The following COL20A1 variants were observed in gnomAD, a reference collection of about 807,000 sequenced individuals.
COL20A1 encodes collagen type XX alpha 1 chain.
COL20A1 carries 164 observed loss-of-function variants against 152.9 expected under a neutral mutation model. That is an observed-to-expected ratio of 1.07 (90% CI 0.94 to 1.22). COL20A1 has a LOEUF of 1.22. Among genes scored for constraint, COL20A1 ranks in the 50% most tolerant of loss-of-function variants. The probability of loss-of-function intolerance (pLI) is 0.00; values close to 1 mark genes in which losing one functional copy is unlikely to be tolerated. For synonymous variants in COL20A1, 864 were observed against 756.0 expected (o/e 1.14, Z -2.34); for missense variants, 1,873 against 1,744.8 (o/e 1.07, Z -1.31).
chr20:63,313,625 ATGATGTGGT>A lies in COL20A1; in HGVS notation c.2210-117_2210-109del. ...ATGCGGGCTGTGGTAGGGGTGTGGC[ATGATGTGGT>A]GGAGGCATTACGCAGAGCAGGGTAG... On this transcript the variant is annotated intron_variant, in intron 17 of 35. Transcript: ENST00000358894. This position sits in a 1 kb window ranked among gnomAD's most constrained non-coding sequence, Gnocchi z 5.9. 1 of 980,942 alleles carries A rather than the reference ATGATGTGGT, an allele frequency of 1.0e-6. No individual in the cohort carries two copies. Among genetic ancestry groups the A allele is most frequent in the Non-Finnish European group, 1.5e-6 (1 of 683,298 alleles). 60.8% of individuals were successfully genotyped at this position (980,942 alleles called of 1,614,324 possible).
intron 21 of COL20A1, among the ~76,000 whole-genome samples, chr20:63,317,043 G>A (rs895779080): frequency 2.0e-5 from 3 of 152,236 alleles, no homozygotes; most frequent in African/African-American, 7.2e-5. Flanking sequence ...TTTAGAGGAA[G>A]CGATCACTCA....
At chr20:63,327,686 C>G (rs2068272035) in intron 31 of COL20A1, 1 of 546,972 alleles carries the variant, frequency 1.8e-6, no homozygotes, top group Admixed American at 3.1e-5. Flanking sequence ...AGCACAAAAT[C>G]TACAGCCAGA....
In COL20A1 at chr20:63,297,951, C is replaced by T; in HGVS notation, c.124C>T (p.Leu42=). ...GCTGGCTGTGCTGCCTGAGGACCGG[C>T]TGCAGATGAAGTGGAGAGAGTCGGA... ...LRLAVLPEDR[L]QMKWRESEGS... is the part of the protein sequence containing the mutation. Residue 42 remains leucine (L), a synonymous_variant, in exon 3 of 36, where the codon CTG becomes TTG. Coordinates refer to ENST00000358894, the MANE Select transcript of COL20A1 (RefSeq NM_020882.4). 6.2e-7 allele frequency: 1 copy of T among 1,613,304 alleles called. No homozygotes were observed. Among genetic ancestry groups the T allele is most frequent in the South Asian group, 1.1e-5 (1 of 91,088 alleles).
chr20:63,310,923 A>G (rs758997947), intron 11 of COL20A1, among the ~76,000 whole-genome samples: 3 of 151,530 alleles, frequency 2.0e-5, no homozygotes, highest in Non-Finnish European at 2.9e-5. Context: ...AAAGTGTACA[A>G]CTCCAGTGGC....
At position 63,320,276 on chromosome 20, in the gene COL20A1, T is replaced by C. The variant is rs754781067; in HGVS notation, c.3076-15T>C. The stretch of plus-strand genomic sequence containing the variant: ...CTCTGAGCCCCGGGGCTGAGCCGGC[T>C]CCCCTGCGTTGCAGTTTCAGCTCCA... On this transcript the variant is annotated splice_polypyrimidine_tract_variant and intron_variant, in intron 24 of 35. Coordinates refer to ENST00000358894, the MANE Select transcript of COL20A1 (RefSeq NM_020882.4). 4 of 1,608,390 alleles carry C rather than the reference T, an allele frequency of 2.5e-6. No homozygotes were observed. The highest frequency in any genetic ancestry group is 3.3e-5 in the Admixed American group (2 of 59,990).
At chr20:63,310,357 C>T in intron 10 of COL20A1, 24 bp from the exon 11 acceptor site, 1 of 1,609,676 alleles carries the variant, frequency 6.2e-7, no homozygotes, top group African/African-American at 1.3e-5. Flanking sequence ...CTTCCTGGCT[C>T]CGTCCTTGCC....
At chr20:63,315,923 A>G (rs1378076323) in intron 20 of COL20A1, among the ~76,000 whole-genome samples, 1 of 152,222 alleles carries the variant, frequency 6.6e-6, no homozygotes, top group Non-Finnish European at 1.5e-5. Flanking sequence ...GATAAGCTGC[A>G]GTGTGAATGG....
intron 2 of COL20A1, among the ~76,000 whole-genome samples, chr20:63,297,083 A>G (rs2067803579): frequency 6.6e-6 from 1 of 152,202 alleles, no homozygotes. Flanking sequence ...ATGGACGCAC[A>G]CATGTACCAA....
At chr20:63,307,910 C>T (rs2067948573) in intron 6 of COL20A1, 61 bp from the exon 7 acceptor site, 11 of 1,590,500 alleles carry the variant, frequency 6.9e-6, no homozygotes, top group Non-Finnish European at 9.4e-6. Flanking sequence ...GGCCTTGTGC[C>T]AAGCTCCCTG....
At chr20:63,326,528 G>C (rs954803710) in intron 30 of COL20A1, among the ~76,000 whole-genome samples, 1 of 140,144 alleles carries the variant, frequency 7.1e-6, no homozygotes, top group Non-Finnish European at 1.5e-5. Flanking sequence ...TTAGAGCAGC[G>C]TGCTGACAGT....
rs2067971950 is a variant in COL20A1, at chr20:63,309,330, C to G, written c.941-3C>G. The G allele has an allele frequency of 1.4e-6, 2 of 1,465,948 alleles. No homozygotes were observed. The highest frequency in any genetic ancestry group is 1.4e-5 in the South Asian group (1 of 69,234). 90.8% of individuals were successfully genotyped at this position (1,465,948 alleles called of 1,614,324 possible). A position where few individuals can be genotyped will look rare whatever the true frequency, so the allele number is the denominator to read the frequency against. On this transcript the variant is annotated splice_polypyrimidine_tract_variant and splice_region_variant and intron_variant, in intron 8 of 35. Coordinates refer to ENST00000358894, the MANE Select transcript of COL20A1 (RefSeq NM_020882.4). The stretch of plus-strand genomic sequence containing the variant: ...CCAACCCCACCTCCCTCCTCACGAG[C>G]AGGTGTGAAGAACGCCGATGAGGCT...
rs867618764 is a variant in COL20A1 at position 63,312,851 on chromosome 20, C to A, written c.1993C>A (p.Leu665Met). 1 of 1,558,554 alleles carries A rather than the reference C, an allele frequency of 6.4e-7. No individual in the cohort carries two copies. The change falls in exon 16 of 36, where the codon CTG becomes ATG. Residue 665 changes from leucine (L) to methionine (M), a missense_variant. Physicochemically the swap from Leu to Met is conservative, Grantham distance 15. Coordinates refer to ENST00000358894, the MANE Select transcript of COL20A1 (RefSeq NM_020882.4). ...GGAGCTGCCAGGGGATGCAGTCCAG[C>A]TGGCGTGGGTGGCCGCAGCCCCGTC... ...MTELPGDAVQLAWVAAAPSGV... is the reference protein window; with the variant it reads ...MTELPGDAVQMAWVAAAPSGV...
intron 31 of COL20A1, chr20:63,327,680 C>G (rs2068271975): frequency 1.9e-6 from 1 of 535,594 alleles, no homozygotes; most frequent in Non-Finnish European, 3.4e-6. Context: ...TCCCCTAGCA[C>G]AAAATCTACA....
In COL20A1 at chr20:63,313,957, C is replaced by T; in HGVS notation, c.2358+66C>T. On this transcript the variant is annotated intron_variant, in intron 18 of 35. Coordinates refer to ENST00000358894, the MANE Select transcript of COL20A1 (RefSeq NM_020882.4). This position sits in a 1 kb window ranked among gnomAD's most constrained non-coding sequence, Gnocchi z 5.9. The stretch of plus-strand genomic sequence containing the variant: ...GCCTCCTGGAAGGGGTATGGCCACA[C>T]TGTCTGCGAAGGGTGGCAGCTCTGC... The T allele has an allele frequency of 2.5e-6, 4 of 1,590,154 alleles. No homozygotes were observed. The East Asian group carries it at 8.9e-5, about 36-fold the overall frequency.
rs766590086 is a variant in COL20A1 at position 63,320,100 on chromosome 20, A to G, written c.2978A>G (p.Glu993Gly). 3.9e-5 allele frequency: 61 copies of G among 1,553,686 alleles called. No homozygotes were observed. The highest frequency in any genetic ancestry group is 5.8e-5 in the Admixed American group (3 of 51,454). ...RLYVDCRKVA[E>G]RPLGEMGSPP... ...TATGTGGACTGCCGGAAGGTGGCTG[A>G]GCGGCCCCTTGGGGAGATGGGCAGC... The change falls in exon 24 of 36, where the codon GAG becomes GGG. Residue 993 changes from glutamate (E) to glycine (G), a missense_variant. Glu to Gly is a moderately conservative substitution (Grantham distance 98). Transcript: ENST00000358894.
intron 2 of COL20A1, among the ~76,000 whole-genome samples, chr20:63,297,367 G>A (rs111329972): frequency 6.8e-3 from 933 of 136,980 alleles, no homozygotes; most frequent in Non-Finnish European, 8.7e-3. Flanking sequence ...CCAGCTCAGG[G>A]GACTCAGCTC....
rs6010902 is a variant in COL20A1, at chr20:63,325,346, T to C, written c.3295-95T>C. The stretch of plus-strand genomic sequence containing the variant: ...AGGGCTCGCCGGGGACCCAGGGCCG[T>C]GCAGTCCAGGGGCCTGTGGTAGGTG... On this transcript the variant is annotated intron_variant, in intron 27 of 35. Coordinates refer to ENST00000358894, the MANE Select transcript of COL20A1 (RefSeq NM_020882.4). 14,191 of 948,778 alleles carry C rather than the reference T, an allele frequency of 0.015. 945 individuals carry two copies. The African/African-American group carries it at 0.16, about 11-fold the overall frequency. 58.8% of individuals were successfully genotyped at this position (948,778 alleles called of 1,614,324 possible).
intron 3 of COL20A1, among the ~76,000 whole-genome samples, chr20:63,298,530 C>T (rs1601402063): frequency 6.6e-6 from 1 of 152,124 alleles, no homozygotes; most frequent in East Asian, 1.9e-4. Context: ...TCAGGAGATC[C>T]GCCCCCCTCA....
chr20:63,294,935 GACA>G, intron 1 of COL20A1, 160 bp from the exon 2 acceptor site: 1 of 578,412 alleles, frequency 1.7e-6, no homozygotes, highest in East Asian at 2.9e-5. Flanking sequence ...GTATCCCCTA[GACA>G]ACAGGTTGCA....
Sources: allele counts gnomAD v4.1 joint callset (sites outside exome capture counted in the v4.1 genomes callset), GRCh38; gene constraint gnomAD v4.1.1; non-coding constraint Gnocchi (gnomAD v3.1); transcripts MANE v1.5; gene names NCBI Gene and HGNC (gene_info 2026-07-23, HGNC 2026-07-21).